The following HIPK2 variants were observed in gnomAD, a reference collection of about 807,000 sequenced individuals.
HIPK2 encodes the protein homeodomain interacting protein kinase 2.
A neutral mutation model predicts 113.7 loss-of-function variants in HIPK2; 27 were observed. The ratio of observed to expected loss-of-function variants is 0.24; its 90% confidence interval spans 0.17 to 0.33. HIPK2 has a LOEUF of 0.33. Ranked by LOEUF, HIPK2 falls within the 10% of genes least tolerant of loss-of-function variation. The pLI is 1.00. For missense variants in HIPK2, 1,257 were observed against 1,588.0 expected (o/e 0.79, Z 3.54); for synonymous variants, 631 against 642.2 (o/e 0.98, Z 0.26).
chr7:139,655,864 T>C (rs534288728), intron 2 of HIPK2, among the ~76,000 whole-genome samples: 1 of 152,252 alleles, frequency 6.6e-6, no homozygotes, highest in South Asian at 2.1e-4. Flanking sequence ...ATATGATAAT[T>C]GGATGATCAT....
chr7:139,578,940 CTGGGATT>C (rs1274165487), intron 13 of HIPK2, among the ~76,000 whole-genome samples: 1 of 152,010 alleles, frequency 6.6e-6, no homozygotes, highest in African/African-American at 2.4e-5. Flanking sequence ...TCCCAAAGTG[CTGGGATT>C]ATAGGCGTGA....
rs57555288 is a variant in HIPK2 at position 139,717,729 on chromosome 7, G to GT, written c.20-715dup. Among the ~76,000 whole-genome samples, 205 of 150,592 alleles carry GT rather than the reference G, an allele frequency of 1.4e-3. 2 individuals are homozygous for GT. In the East Asian group the frequency reaches 0.021, roughly 16 times the overall value. Reference sequence around the variant, plus strand: ...TCTCTAGAAAGTACTATTTCTTTTTGTTTTTTTTTGTTTGTTTGTTTGTTT... The same window carrying GT: ...TCTCTAGAAAGTACTATTTCTTTTTGTTTTTTTTTTGTTTGTTTGTTTGTTT... On this transcript the variant is annotated intron_variant, in intron 1 of 14. Transcript: ENST00000406875.
intron 13 of HIPK2, among the ~76,000 whole-genome samples, chr7:139,582,889 A>G (rs1798713927): frequency 6.6e-6 from 1 of 152,198 alleles, no homozygotes; most frequent in South Asian, 2.1e-4. Context: ...GCAGCCCCTG[A>G]ATGGGGCCTG....
chr7:139,717,788 A>C (rs1403188829), intron 1 of HIPK2, among the ~76,000 whole-genome samples: 1 of 152,014 alleles, frequency 6.6e-6, no homozygotes, highest in African/African-American at 2.4e-5. Context: ...CTTGTCACCC[A>C]GGCTGGAGTG....
At position 139,658,036 on chromosome 7, in the gene HIPK2, GA is replaced by G. The variant is rs201124165; in HGVS notation, c.1104-26312del. Among the ~76,000 whole-genome samples the G allele has an allele frequency of 7.1e-3, 1,086 of 152,312 alleles. 8 individuals carry two copies. Among genetic ancestry groups the G allele is most frequent in the African/African-American group, 0.025 (1,021 of 41,576 alleles). On this transcript the variant is annotated intron_variant, in intron 2 of 14. Transcript: ENST00000406875. ...TGAGCCTAAGTTCCCTCAGCCATAA[GA>G]TGGTAGCAGCCATTCCTACTTGATC...
At position 139,567,487 on chromosome 7, in the gene HIPK2, A is replaced by C. The variant is rs1233400624; in HGVS notation, c.*5440T>G. 6.6e-6 allele frequency: 1 copy of C among 152,140 alleles called. No individual in the cohort carries two copies. Among genetic ancestry groups the C allele is most frequent in the Non-Finnish European group, 1.5e-5 (1 of 68,020 alleles). The allele number at this position is 152,140 out of a possible 1,614,324, so 9.4% of individuals were successfully genotyped here. The stretch of plus-strand genomic sequence containing the variant: ...GTCATTATTGCCTGGAAAGGAACGA[A>C]GGGAAGGCCATTTTGTCCATTTCTG... On this transcript the variant is annotated 3_prime_UTR_variant, in exon 15 of 15. Coordinates refer to ENST00000406875, the MANE Select transcript of HIPK2 (RefSeq NM_022740.5).
chr7:139,611,810 C>T (rs889899284), intron 9 of HIPK2, among the ~76,000 whole-genome samples: 2 of 152,164 alleles, frequency 1.3e-5, no homozygotes, highest in African/African-American at 4.8e-5. Context: ...TCCTGAGTAG[C>T]TGAGACTACA....
At chr7:139,718,307 T>C (rs1190596567) in intron 1 of HIPK2, among the ~76,000 whole-genome samples, 1 of 152,230 alleles carries the variant, frequency 6.6e-6, no homozygotes, top group African/African-American at 2.4e-5. Context: ...CTGCAAGCCC[T>C]GTTGGGGGTT....
intron 6 of HIPK2, among the ~76,000 whole-genome samples, chr7:139,625,468 C>A (rs895401500): frequency 6.6e-6 from 1 of 152,348 alleles, no homozygotes; most frequent in Admixed American, 6.5e-5. Context: ...GTTCCCATTG[C>A]TTTTTGGATC....
intron 2 of HIPK2, among the ~76,000 whole-genome samples, chr7:139,672,927 G>GT (rs1426290281): frequency 6.6e-6 from 1 of 152,108 alleles, no homozygotes; most frequent in Non-Finnish European, 1.5e-5. Context: ...ATGACTCAAT[G>GT]TTTTAGAACT....
At chr7:139,749,865 G>T (rs1390104917) in intron 1 of HIPK2, among the ~76,000 whole-genome samples, 1 of 152,218 alleles carries the variant, frequency 6.6e-6, no homozygotes, top group East Asian at 1.9e-4. Context: ...AAGGACAGAA[G>T]ATCATCAAAA....
intron 2 of HIPK2, among the ~76,000 whole-genome samples, chr7:139,694,815 C>T (rs1284928664): frequency 6.6e-6 from 1 of 152,146 alleles, no homozygotes; most frequent in South Asian, 2.1e-4. Context: ...CCTGTTAACC[C>T]CAGGACAGGT....
intron 2 of HIPK2, among the ~76,000 whole-genome samples, chr7:139,700,875 A>G (rs959398731): frequency 4.1e-4 from 63 of 152,254 alleles, no homozygotes; most frequent in Non-Finnish European, 8.7e-4. Context: ...CATAGTAGGT[A>G]TTCAAAATCA....
intron 2 of HIPK2, among the ~76,000 whole-genome samples, chr7:139,651,014 G>A (rs1311965663): frequency 1.3e-5 from 2 of 152,234 alleles, no homozygotes; most frequent in Non-Finnish European, 2.9e-5. Context: ...TGTCAGCCAC[G>A]GAATTTTGAG....
Position 139,604,113 on chromosome 7 carries a change from G to T in HIPK2, c.2223C>A (p.Thr741=). 1 of 1,613,968 alleles carries T rather than the reference G, an allele frequency of 6.2e-7. No homozygotes were observed. The highest frequency in any genetic ancestry group is 8.5e-7 in the Non-Finnish European group (1 of 1,179,898). The change falls in exon 10 of 15, where the codon ACC becomes ACA. Residue 741 remains threonine (T), a synonymous_variant. Coordinates refer to ENST00000406875, the MANE Select transcript of HIPK2 (RefSeq NM_022740.5). ...CCGCCAGCTGCTGGGTGCCTGCCAT[G>T]GTCTCGGGAATCACGGTGGCATGCT... ...SVQHATVIPE[T]MAGTQQLADW...
chr7:139,644,578 T>C (rs75617331), intron 2 of HIPK2, among the ~76,000 whole-genome samples: 1,919 of 152,342 alleles, frequency 0.013, 20 homozygotes, highest in Non-Finnish European at 0.021. Flanking sequence ...GTCCTCATCA[T>C]GGATCCTTTT....
chr7:139,579,287 T>TA lies in HIPK2; in HGVS notation c.2966-4000dup, dbSNP rs138597154. On this transcript the variant is annotated intron_variant, in intron 13 of 14. Transcript: ENST00000406875. Reference sequence around the variant, plus strand: ...ATTGCAAGATGTCCAAAGACAGATCTACACCTCACGTTCAGAAGCAAGAAT... The same window carrying TA: ...ATTGCAAGATGTCCAAAGACAGATCTAACACCTCACGTTCAGAAGCAAGAAT... Among the ~76,000 whole-genome samples, 1,320 of 152,330 alleles carry TA rather than the reference T, an allele frequency of 8.7e-3. 17 individuals are homozygous for TA. Among genetic ancestry groups the TA allele is most frequent in the African/African-American group, 0.03 (1,244 of 41,572 alleles).
intron 7 of HIPK2, among the ~76,000 whole-genome samples, chr7:139,618,887 T>G (rs1222227546): frequency 1.3e-5 from 2 of 152,144 alleles, no homozygotes; most frequent in Non-Finnish European, 2.9e-5. Context: ...TGAGGGCTGG[T>G]GGGAGAAACA....
chr7:139,654,507 T>C (rs1419520399), intron 2 of HIPK2, among the ~76,000 whole-genome samples: 1 of 152,118 alleles, frequency 6.6e-6, no homozygotes, highest in Non-Finnish European at 1.5e-5. Flanking sequence ...AGCAAGGCCC[T>C]ATCTCAAAAA....
Sources: gnomAD v4.1 joint callset for allele counts (sites outside exome capture counted in the v4.1 genomes callset) on GRCh38, gnomAD v4.1.1 for gene constraint, MANE v1.5 for transcripts, NCBI Gene and HGNC (gene_info 2026-07-23, HGNC 2026-07-21) for gene names.